TRIM9: variants seen among roughly 807,000 people sequenced by gnomAD.
TRIM9 encodes E3 ubiquitin-protein ligase TRIM9.
TRIM9 carries 26 observed loss-of-function variants against 78.3 expected under a neutral mutation model. The ratio of observed to expected loss-of-function variants is 0.33; its 90% CI spans 0.24 to 0.46. The LOEUF is 0.46. TRIM9 is among the 20% of genes least tolerant of loss of function. TRIM9 has a pLI of 1.00. For synonymous variants in TRIM9, 398 were observed against 416.5 expected, an observed-to-expected ratio of 0.96 and a Z score of 0.54; for missense variants, 787 against 1,036.4, an observed-to-expected ratio of 0.76 and a Z score of 3.30.
intron 3 of TRIM9, among the ~76,000 whole-genome samples, chr14:51,012,397 A>G (rs1784528756): frequency 6.6e-6 from 1 of 152,206 alleles, no homozygotes; most frequent in Non-Finnish European, 1.5e-5. Context: ...ATGTTGTAGC[A>G]TGTGTCAACA....
chr14:50,990,408 A>G lies in TRIM9; in HGVS notation c.1604-4264T>C, dbSNP rs17123345. Among the ~76,000 whole-genome samples, 304 of 152,336 alleles carry G rather than the reference A, an allele frequency of 2.0e-3. 2 individuals carry two copies. The highest frequency in any genetic ancestry group is 6.8e-3 in the African/African-American group (282 of 41,578). ...GTAGAATTGAGCCGTTGGGAAACAT[A>G]AAGTTGGCAGGAGACTCAACCATAA... On this transcript the variant is annotated intron_variant, in intron 7 of 12. Coordinates refer to ENST00000684578, the MANE Select transcript of TRIM9 (RefSeq NM_001387360.1).
At chr14:51,005,990 G>A (rs2105230) in intron 5 of TRIM9, among the ~76,000 whole-genome samples, 22,407 of 152,044 alleles carry the variant, frequency 0.15, 1,743 homozygotes, top group Middle Eastern at 0.23. Context: ...AAAGCCAACT[G>A]CAAACCTACT....
At chr14:50,994,918 G>C (rs1476522844) in intron 7 of TRIM9, among the ~76,000 whole-genome samples, 1 of 152,154 alleles carries the variant, frequency 6.6e-6, no homozygotes, top group Non-Finnish European at 1.5e-5. Context: ...TGTGCAACTG[G>C]CGTTTTTTCC....
chr14:51,006,776 G>T (rs910287003), intron 5 of TRIM9, among the ~76,000 whole-genome samples: 2 of 152,234 alleles, frequency 1.3e-5, no homozygotes, highest in African/African-American at 2.4e-5. Context: ...GCTGGGAGAG[G>T]GTTCTGCGTT....
Position 51,025,271 on chromosome 14 carries a change from C to T in TRIM9, c.912G>A (p.Gln304=). ...FLVQLRNMVQ[Q]IQENSVEFEA... is the part of the protein sequence containing the mutation. ...TCCCAGGTAACACCCATACCTGGAT[C>T]TGCTGGACCATGTTGCGCAGCTGTA... The change falls in exon 2 of 13, where the codon CAG becomes CAA. Residue 304 remains glutamine, a synonymous_variant. Coordinates refer to ENST00000684578, the MANE Select transcript of TRIM9 (RefSeq NM_001387360.1). 6.2e-7 allele frequency: 1 copy of T among 1,614,186 alleles called. No individual in the cohort carries two copies. The highest frequency in any genetic ancestry group is 8.5e-7 in the Non-Finnish European group (1 of 1,180,026).
At chr14:51,066,075 A>C (rs1236257376) in intron 1 of TRIM9, among the ~76,000 whole-genome samples, 1 of 112,722 alleles carries the variant, frequency 8.9e-6, no homozygotes, top group African/African-American at 3.8e-5. Context: ...GAAGGAAGGA[A>C]GGAAGGAAGG....
At chr14:51,030,586 GGTGT>G (rs34926668) in intron 1 of TRIM9, among the ~76,000 whole-genome samples, 9 of 151,860 alleles carry the variant, frequency 5.9e-5, no homozygotes, top group East Asian at 3.9e-4. Context: ...GTGTGCATAT[GGTGT>G]GTGTGTGTAT....
chr14:51,089,592 C>G (rs1172343458), intron 1 of TRIM9, among the ~76,000 whole-genome samples: 1 of 152,068 alleles, frequency 6.6e-6, no homozygotes, highest in African/African-American at 2.4e-5. Flanking sequence ...ATTGGAGAAT[C>G]TGAAAAAAAC....
intron 7 of TRIM9, among the ~76,000 whole-genome samples, chr14:50,994,829 G>A (rs1275902010): frequency 6.6e-6 from 1 of 152,152 alleles, no homozygotes; most frequent in African/African-American, 2.4e-5. Context: ...GGGCTTGGGG[G>A]CCTTATTTGA....
At chr14:51,068,720 A>G (rs72687162) in intron 1 of TRIM9, among the ~76,000 whole-genome samples, 30,771 of 152,022 alleles carry the variant, frequency 0.2, 3,231 homozygotes, top group Non-Finnish European at 0.23. Context: ...ATGTAAAGTT[A>G]TGTAGAATTA....
At chr14:51,069,310 C>G (rs1171275991) in intron 1 of TRIM9, among the ~76,000 whole-genome samples, 1 of 152,176 alleles carries the variant, frequency 6.6e-6, no homozygotes, top group Non-Finnish European at 1.5e-5. Flanking sequence ...TGGTTCTCAT[C>G]TGGAGGTGAT....
chr14:51,071,106 A>G (rs2062188861), intron 1 of TRIM9, among the ~76,000 whole-genome samples: 1 of 152,086 alleles, frequency 6.6e-6, no homozygotes, highest in Non-Finnish European at 1.5e-5. Flanking sequence ...GCGGCCAGGC[A>G]CAGGGCTCAC....
intron 1 of TRIM9, among the ~76,000 whole-genome samples, chr14:51,060,109 G>T (rs756497443): frequency 6.6e-6 from 1 of 152,124 alleles, no homozygotes; most frequent in African/African-American, 2.4e-5. Context: ...TTTATAATGG[G>T]CTTTCTAGCT....
intron 1 of TRIM9, among the ~76,000 whole-genome samples, chr14:51,077,396 T>G (rs1244070609): frequency 1.1e-5 from 1 of 92,910 alleles, no homozygotes; most frequent in Non-Finnish European, 2.7e-5. Context: ...GTTTTTTTTT[T>G]TTTTTTTTTT....
chr14:51,019,109 G>C (rs1039964612), intron 3 of TRIM9, among the ~76,000 whole-genome samples: 34 of 152,234 alleles, frequency 2.2e-4, no homozygotes, highest in African/African-American at 8.2e-4. Flanking sequence ...TAAATTCCCT[G>C]TGAGGAGCAC....
At chr14:51,027,593 G>T (rs1457593291) in intron 1 of TRIM9, among the ~76,000 whole-genome samples, 1 of 152,150 alleles carries the variant, frequency 6.6e-6, no homozygotes, top group Non-Finnish European at 1.5e-5. Flanking sequence ...GCTCCAAGAG[G>T]CAAGACCAAC....
intron 7 of TRIM9, among the ~76,000 whole-genome samples, chr14:50,987,801 GTAT>G (rs1320356657): frequency 2.6e-5 from 4 of 151,768 alleles, no homozygotes; most frequent in Non-Finnish European, 5.9e-5. Flanking sequence ...TATTTATTTA[GTAT>G]TATTTATTAT....
chr14:50,996,305 G>A, intron 7 of TRIM9: 2 of 985,320 alleles, frequency 2.0e-6, no homozygotes, highest in Non-Finnish European at 2.4e-6. Context: ...TTCTGTGACT[G>A]TGGTACCAAG....
intron 7 of TRIM9, chr14:50,997,484 C>T (rs576799138): frequency 6.3e-5 from 62 of 985,688 alleles, no homozygotes; most frequent in Admixed American, 3.1e-4. Context: ...TGACGGCCTC[C>T]GCTTTGGGTA....
Sources: allele counts gnomAD v4.1 joint callset (sites outside exome capture counted in the v4.1 genomes callset), GRCh38; gene constraint gnomAD v4.1.1; transcripts MANE v1.5; gene names NCBI Gene and HGNC (gene_info 2026-07-23, HGNC 2026-07-21).